Variants in CPPED1 observed in about 807,000 individuals in gnomAD.
CPPED1 encodes serine/threonine-protein phosphatase CPPED1.
CPPED1 carries 28 observed loss-of-function variants against 28.0 expected under a neutral mutation model. That is an observed-to-expected ratio of 1.00 (90% CI 0.74 to 1.37). The LOEUF (loss-of-function observed/expected upper bound fraction) is 1.37. Among genes scored for constraint, CPPED1 ranks in the 40% most tolerant of loss-of-function variants. The pLI is 0.00. For missense variants in CPPED1, 504 were observed against 416.5 expected, an observed-to-expected ratio of 1.21 and a Z score of -1.83; for synonymous variants, 198 against 180.2, an observed-to-expected ratio of 1.10 and a Z score of -0.79.
chr16:12,741,944 TAATCCCAATG>T (rs1456647300), intron 2 of CPPED1, among the ~76,000 whole-genome samples: 1 of 152,014 alleles, frequency 6.6e-6, no homozygotes, highest in Non-Finnish European at 1.5e-5. Context: ...CACATGACTG[TAATCCCAATG>T]ACTTGGGAGG....
chr16:12,686,318 C>T (rs1452221106), intron 3 of CPPED1, among the ~76,000 whole-genome samples: 1 of 151,982 alleles, frequency 6.6e-6, no homozygotes, highest in Non-Finnish European at 1.5e-5. Flanking sequence ...ATCTTCCTCC[C>T]TCAGCTTCCC....
At chr16:12,719,259 C>T (rs1300956218) in intron 2 of CPPED1, among the ~76,000 whole-genome samples, 4 of 151,882 alleles carry the variant, frequency 2.6e-5, no homozygotes, top group African/African-American at 9.7e-5. Context: ...GGTGCGGTGG[C>T]GGGCGCCTGT....
intron 1 of CPPED1, among the ~76,000 whole-genome samples, chr16:12,785,255 T>A (rs762602373): frequency 1.2e-4 from 18 of 152,256 alleles, no homozygotes; most frequent in Non-Finnish European, 2.1e-4. Context: ...TGTGTTTTTT[T>A]AATTTATTTT....
intron 3 of CPPED1, among the ~76,000 whole-genome samples, chr16:12,665,824 C>T (rs1025615480): frequency 6.6e-6 from 1 of 152,166 alleles, no homozygotes. Flanking sequence ...ACCTGGGAGG[C>T]TGAGACAGGA....
intron 2 of CPPED1, among the ~76,000 whole-genome samples, chr16:12,747,226 A>T (rs1457303545): frequency 1.3e-5 from 2 of 151,930 alleles, no homozygotes; most frequent in African/African-American, 4.8e-5. Flanking sequence ...GCCCAGGAAT[A>T]TAAGACCAGC....
At chr16:12,717,166 C>G (rs1484888445) in intron 2 of CPPED1, among the ~76,000 whole-genome samples, 1 of 152,168 alleles carries the variant, frequency 6.6e-6, no homozygotes, top group Non-Finnish European at 1.5e-5. Context: ...GTAAACAAAT[C>G]AGAGTAATAA....
intron 3 of CPPED1, among the ~76,000 whole-genome samples, chr16:12,689,900 C>T (rs1455749459): frequency 6.6e-6 from 1 of 152,188 alleles, no homozygotes; most frequent in Non-Finnish European, 1.5e-5. Flanking sequence ...ACCATTTACT[C>T]CAAGGAAACC....
chr16:12,770,778 C>T (rs1013105437), intron 2 of CPPED1, among the ~76,000 whole-genome samples: 10 of 151,300 alleles, frequency 6.6e-5, no homozygotes, highest in South Asian at 2.1e-4. Context: ...GCCGAGATCG[C>T]GCCATTGCAC....
intron 1 of CPPED1, among the ~76,000 whole-genome samples, chr16:12,788,387 C>A (rs1022818377): frequency 6.6e-6 from 1 of 152,160 alleles, no homozygotes; most frequent in Non-Finnish European, 1.5e-5. Context: ...CACATTTGTA[C>A]CTGACCTTCC....
intron 3 of CPPED1, among the ~76,000 whole-genome samples, chr16:12,697,811 A>G (rs1279575292): frequency 2.0e-5 from 3 of 152,272 alleles, no homozygotes; most frequent in Non-Finnish European, 4.4e-5. Context: ...AGCATTTCCC[A>G]TACAAAAGTC....
At chr16:12,673,296 G>A (rs375669540) in intron 3 of CPPED1, among the ~76,000 whole-genome samples, 6 of 152,184 alleles carry the variant, frequency 3.9e-5, no homozygotes, top group Admixed American at 6.5e-5. Flanking sequence ...AAATGGGACC[G>A]CGTAAGATCA....
chr16:12,748,294 A>G (rs922653145), intron 2 of CPPED1, among the ~76,000 whole-genome samples: 12 of 152,250 alleles, frequency 7.9e-5, no homozygotes, highest in African/African-American at 2.9e-4. Context: ...TAAATGAACT[A>G]GAATGATCCA....
chr16:12,671,914 A>T (rs1176234313), intron 3 of CPPED1, among the ~76,000 whole-genome samples: 1 of 152,266 alleles, frequency 6.6e-6, no homozygotes, highest in African/African-American at 2.4e-5. Context: ...GACGCCATAT[A>T]TGAAGGGGGT....
intron 2 of CPPED1, among the ~76,000 whole-genome samples, chr16:12,706,787 G>A (rs2080053724): frequency 6.6e-6 from 1 of 152,114 alleles, no homozygotes; most frequent in Admixed American, 6.5e-5. Flanking sequence ...GCTTCCACAG[G>A]AGGCTGAGCA....
At chr16:12,687,992 T>C (rs2079941991) in intron 3 of CPPED1, among the ~76,000 whole-genome samples, 2 of 150,192 alleles carry the variant, frequency 1.3e-5, no homozygotes, top group South Asian at 4.2e-4. Flanking sequence ...GTCACTAACA[T>C]GAAAGTCACA....
intron 3 of CPPED1, among the ~76,000 whole-genome samples, chr16:12,667,581 C>G (rs1316680084): frequency 6.6e-6 from 1 of 152,106 alleles, no homozygotes; most frequent in Non-Finnish European, 1.5e-5. Context: ...TAGCAAGACC[C>G]CATCTCTATA....
chr16:12,762,506 T>C (rs147377139), intron 2 of CPPED1, among the ~76,000 whole-genome samples: 20 of 152,342 alleles, frequency 1.3e-4, no homozygotes, highest in African/African-American at 4.3e-4. Context: ...TATATCCATA[T>C]GGTAGAATAT....
At chr16:12,723,449 G>T (rs2080152937) in intron 2 of CPPED1, among the ~76,000 whole-genome samples, 1 of 152,186 alleles carries the variant, frequency 6.6e-6, no homozygotes, top group Non-Finnish European at 1.5e-5. Flanking sequence ...CCTTAGTTCA[G>T]CCTGACTGGA....
rs146350068 is a variant in CPPED1, at chr16:12,673,527, G to A, written c.716-8412C>T. ...ATGTTTAAGTTTCACACCATATTGA[G>A]TGGCATTAACAGAGAGGGGAGCATT... On this transcript the variant is annotated intron_variant, in intron 3 of 3. Transcript: ENST00000381774. Among the ~76,000 whole-genome samples the A allele has an allele frequency of 1.7e-3, 252 of 152,238 alleles. 3 individuals carry two copies. The highest frequency in any genetic ancestry group is 5.8e-3 in the African/African-American group (242 of 41,538).
Sources: allele counts gnomAD v4.1 joint callset (sites outside exome capture counted in the v4.1 genomes callset), GRCh38; gene constraint gnomAD v4.1.1; transcripts MANE v1.5; gene names NCBI Gene and HGNC (gene_info 2026-07-23, HGNC 2026-07-21).